The following PTPA variants were observed in gnomAD, a reference collection of about 807,000 sequenced individuals.
PTPA encodes the protein serine/threonine-protein phosphatase 2A activator.
Under a neutral mutation model 43.6 loss-of-function variants are expected in PTPA, and 13 were observed. That is an observed-to-expected ratio of 0.30 (90% CI 0.19 to 0.47). The LOEUF (loss-of-function observed/expected upper bound fraction) is 0.47, where lower values mean the gene tolerates loss of function less well. Among genes scored for constraint, PTPA ranks in the 20% least tolerant of loss-of-function variants. The probability of loss-of-function intolerance (pLI) is 0.99; values close to 1 mark genes in which losing one functional copy is unlikely to be tolerated. For missense variants in PTPA, 329 were observed against 411.9 expected (o/e 0.80, Z 1.74); for synonymous variants, 172 against 158.2 (o/e 1.09, Z -0.66).
At chr9:129,123,194 C>G in intron 3 of PTPA, 56 bp downstream of exon 3, 3 of 1,468,560 alleles carry the variant, frequency 2.0e-6, no homozygotes, top group Non-Finnish European at 2.8e-6. Context: ...TCCAGAGTCA[C>G]TGGGTGCGGT....
At position 129,111,416 on chromosome 9, in the gene PTPA, C is replaced by A; in HGVS notation, c.-185C>A. ...AGGCTTGCTCCCTGAGCGCCCCGCA[C>A]CGACATGGCGGCCGTCTTCGCTGTG... is the stretch of plus-strand genomic sequence containing the variant. On this transcript the variant is annotated 5_prime_UTR_variant, in exon 1 of 10. Coordinates refer to ENST00000393370, the MANE Select transcript of PTPA (RefSeq NM_178000.3). 1 of 1,248,898 alleles carries A rather than the reference C, an allele frequency of 8.0e-7. No homozygotes were observed. Among genetic ancestry groups the A allele is most frequent in the Non-Finnish European group, 1.0e-6 (1 of 989,598 alleles). The allele number at this position is 1,248,898 out of a possible 1,614,324, so 77.4% of individuals were successfully genotyped here.
At chr9:129,122,614 G>A (rs145551602) in intron 2 of PTPA, among the ~76,000 whole-genome samples, 84 of 152,306 alleles carry the variant, frequency 5.5e-4, no homozygotes, top group Non-Finnish European at 1.0e-3. Context: ...AGAGCATCAT[G>A]GACAAGCATG....
chr9:129,129,075 A>G lies in PTPA; in HGVS notation c.307A>G (p.Lys103Glu), dbSNP rs767099757. The change falls in exon 4 of 10, where the codon AAG (lysine) becomes GAG (glutamate). Residue 103 changes from lysine to glutamate, a missense_variant. Physicochemically the swap from Lys to Glu is moderately conservative, Grantham distance 56 (BLOSUM62 1). Transcript: ENST00000393370. Reference protein sequence around the residue: ...PVDQPSRFGNKAYRTWYAKLD... With the variant: ...PVDQPSRFGNEAYRTWYAKLD... ...GGACCAGCCCTCTCGGTTTGGGAATAAGGCATACAGGACCTGGTATGCCAA... is the reference window on the plus strand; with the variant it reads ...GGACCAGCCCTCTCGGTTTGGGAATGAGGCATACAGGACCTGGTATGCCAA... 8.1e-6 allele frequency: 13 copies of G among 1,612,604 alleles called. No individual in the cohort carries two copies. Among genetic ancestry groups the G allele is most frequent in the Non-Finnish European group, 1.0e-5 (12 of 1,180,008 alleles).
At chr9:129,117,986 AC>A (rs1848993188) in intron 1 of PTPA, among the ~76,000 whole-genome samples, 1 of 151,646 alleles carries the variant, frequency 6.6e-6, no homozygotes, top group South Asian at 2.1e-4. Flanking sequence ...GGTGTGAGTC[AC>A]CATGCCGGAC....
At chr9:129,135,503 C>T (rs954215661) in intron 6 of PTPA, among the ~76,000 whole-genome samples, 3 of 152,186 alleles carry the variant, frequency 2.0e-5, no homozygotes, top group Non-Finnish European at 2.9e-5. Context: ...TAACAACAAC[C>T]CTATGAAATA....
chr9:129,136,884 G>A, intron 7 of PTPA, among the ~76,000 whole-genome samples: 1 of 152,252 alleles, frequency 6.6e-6, no homozygotes, highest in East Asian at 1.9e-4. Flanking sequence ...TAATGGACTG[G>A]TGTGAAATGC....
chr9:129,129,170 A>G, intron 4 of PTPA, 60 bp downstream of exon 4: 1 of 1,597,930 alleles, frequency 6.3e-7, no homozygotes, highest in Non-Finnish European at 8.5e-7. Context: ...TTCTGGCACC[A>G]GTTGGGGAAG....
chr9:129,134,191 G>C (rs949635536), intron 5 of PTPA, among the ~76,000 whole-genome samples: 2 of 152,132 alleles, frequency 1.3e-5, no homozygotes, highest in Admixed American at 1.3e-4. Flanking sequence ...TACATAGTAG[G>C]TGCTCAGTAA....
intron 2 of PTPA, among the ~76,000 whole-genome samples, 200 bp from the exon 3 acceptor site, chr9:129,122,852 A>G (rs7020708): frequency 0.59 from 90,392 of 152,100 alleles, 28,800 homozygotes; most frequent in Non-Finnish European, 0.7. Flanking sequence ...TGCTGTGGTC[A>G]CTGTCTTGCC....
chr9:129,114,641 GC>G (rs1420651700), intron 1 of PTPA, among the ~76,000 whole-genome samples: 2 of 152,104 alleles, frequency 1.3e-5, no homozygotes, highest in African/African-American at 4.8e-5. Flanking sequence ...GTTTCAAATG[GC>G]CAATGATAAT....
intron 9 of PTPA, among the ~76,000 whole-genome samples, chr9:129,144,220 G>A (rs1010194531): frequency 2.0e-5 from 3 of 151,836 alleles, no homozygotes; most frequent in African/African-American, 7.3e-5. Flanking sequence ...TGATGGTGTG[G>A]CAGGAACACA....
At chr9:129,133,096 A>G (rs887911568) in intron 5 of PTPA, among the ~76,000 whole-genome samples, 3 of 152,154 alleles carry the variant, frequency 2.0e-5, no homozygotes, top group Non-Finnish European at 4.4e-5. Context: ...ATCTCTCAAA[A>G]ATAGAGAAGG....
rs748983787 is a variant in PTPA at position 129,139,296 on chromosome 9, T to G, written c.786+1604T>G. On this transcript the variant is annotated intron_variant, in intron 8 of 9. Transcript: ENST00000393370. ...AAAGTTTGGGACCCAGTTCCTCCAG[T>G]AGAGGAAATCTCAAAGTAGCCACTA... 13 of 152,192 alleles carry G rather than the reference T, an allele frequency of 8.5e-5. 1 individual carries two copies. Among genetic ancestry groups the G allele is most frequent in the Non-Finnish European group, 1.8e-4 (12 of 68,032 alleles). 9.4% of individuals were successfully genotyped at this position (152,192 alleles called of 1,614,324 possible). A position where few individuals can be genotyped will look rare whatever the true frequency, so the allele number is the denominator to read the frequency against.
At chr9:129,137,745 A>G (rs1467371501) in intron 8 of PTPA, 53 bp downstream of exon 8, 1 of 1,466,706 alleles carries the variant, frequency 6.8e-7, no homozygotes. Flanking sequence ...GCTCAGATGA[A>G]CCAAGGCTGG....
At chr9:129,137,446 A>G in intron 7 of PTPA, 146 bp from the exon 8 acceptor site, 1 of 633,388 alleles carries the variant, frequency 1.6e-6, no homozygotes, top group Non-Finnish European at 2.8e-6. Context: ...ACACAAACCC[A>G]GAGTTACTTA....
rs1392683567 is a variant in PTPA at position 129,148,941 on chromosome 9, C to T, written c.*1477C>T. ...TCAGATTAAAGCCTCTGTTTTGCAC[C>T]TGTCACTTGTGTGAGGTATGTCTTT... On this transcript the variant is annotated 3_prime_UTR_variant, in exon 10 of 10. Coordinates refer to ENST00000393370, the MANE Select transcript of PTPA (RefSeq NM_178000.3). 1.3e-5 allele frequency: 2 copies of T among 152,344 alleles called. No homozygotes were observed. Among genetic ancestry groups the T allele is most frequent in the East Asian group, 1.9e-4 (1 of 5,204 alleles). The allele number at this position is 152,344 out of a possible 1,614,324, so 9.4% of individuals were successfully genotyped here.
At chr9:129,130,870 T>G (rs1481511573) in intron 4 of PTPA, among the ~76,000 whole-genome samples, 1 of 152,200 alleles carries the variant, frequency 6.6e-6, no homozygotes, top group East Asian at 1.9e-4. Context: ...TCGCCCAGAT[T>G]ATTCTGATTT....
chr9:129,122,000 A>AAGGAGAAAGGAAGAAAGAGAG (rs1255762020), intron 2 of PTPA, among the ~76,000 whole-genome samples: 1 of 152,218 alleles, frequency 6.6e-6, no homozygotes, highest in East Asian at 1.9e-4. Context: ...CGGCTTGGAT[A>AAGGAGAAAGGAAGAAAGAGAG]AGGAGAAAGG....
Position 129,144,717 on chromosome 9 carries a change from C to T in PTPA, c.894+2165C>T, listed in dbSNP as rs188018814. Among the ~76,000 whole-genome samples the T allele has an allele frequency of 1.8e-4, 23 of 125,694 alleles. No individual in the cohort carries two copies. The East Asian group carries it at 4.8e-3, about 26-fold the overall frequency. The allele number at this position is 125,694 out of a possible 152,430, so 82.5% of individuals were successfully genotyped here. On this transcript the variant is annotated intron_variant, in intron 9 of 9. Coordinates refer to ENST00000393370, the MANE Select transcript of PTPA (RefSeq NM_178000.3). ...TGGTGCCACTGCACTCCAGCCTGGG[C>T]GACAGAGCGAGACTCTCTCAAAAAA...
Sources: gnomAD v4.1 joint callset for allele counts (sites outside exome capture counted in the v4.1 genomes callset) on GRCh38, gnomAD v4.1.1 for gene constraint, MANE v1.5 for transcripts, NCBI Gene and HGNC (gene_info 2026-07-23, HGNC 2026-07-21) for gene names.